The following INVS variants were observed in gnomAD, a reference collection of about 807,000 sequenced individuals.
INVS encodes inversin.
Under a neutral mutation model 108.8 loss-of-function variants are expected in INVS, and 86 were observed. The observed-to-expected ratio is 0.79, with a 90% CI of 0.66 to 0.95. The LOEUF (loss-of-function observed/expected upper bound fraction) is 0.95, where lower values mean the gene tolerates loss of function less well. Among genes scored for constraint, INVS ranks in the 40% least tolerant of loss-of-function variants. The pLI is 0.00. For synonymous variants in INVS, 455 were observed against 473.5 expected (o/e 0.96, Z 0.51); for missense variants, 1,169 against 1,297.4 (o/e 0.90, Z 1.52).
chr9:100,230,614 G>C (rs1372125160), intron 5 of INVS, among the ~76,000 whole-genome samples: 1 of 152,096 alleles, frequency 6.6e-6, no homozygotes, highest in East Asian at 1.9e-4. Context: ...CACCTCCCAG[G>C]TTTAAGCAAT....
intron 7 of INVS, among the ~76,000 whole-genome samples, chr9:100,245,826 G>C (rs114877371): frequency 6.6e-6 from 1 of 152,286 alleles, no homozygotes; most frequent in African/African-American, 2.4e-5. Flanking sequence ...CTTCTCTGGA[G>C]GCATGCCTGA....
chr9:100,188,487 G>T (rs1257398928), intron 3 of INVS, among the ~76,000 whole-genome samples: 1 of 152,034 alleles, frequency 6.6e-6, no homozygotes, highest in Non-Finnish European at 1.5e-5. Context: ...CGTACTTATT[G>T]ACTTGCAAAT....
chr9:100,103,612 A>G (rs1428052203), intron 1 of INVS, among the ~76,000 whole-genome samples: 1 of 149,192 alleles, frequency 6.7e-6, no homozygotes, highest in East Asian at 2.0e-4. Flanking sequence ...TGGGTGACAG[A>G]GCAAGACCCT....
intron 2 of INVS, among the ~76,000 whole-genome samples, chr9:100,105,751 T>C (rs780420691): frequency 6.6e-6 from 1 of 152,054 alleles, no homozygotes; most frequent in Non-Finnish European, 1.5e-5. Context: ...CACTAGCTTC[T>C]CTAGTTTTGA....
intron 3 of INVS, among the ~76,000 whole-genome samples, chr9:100,221,209 T>A (rs1178663380): frequency 6.6e-6 from 1 of 152,208 alleles, no homozygotes; most frequent in Non-Finnish European, 1.5e-5. Flanking sequence ...TATCTTCCTC[T>A]GTTCCATTGA....
chr9:100,121,298 A>C (rs1827720978), intron 2 of INVS, among the ~76,000 whole-genome samples: 1 of 152,198 alleles, frequency 6.6e-6, no homozygotes, highest in African/African-American at 2.4e-5. Flanking sequence ...GCCACATAAC[A>C]AAATCTAATC....
intron 5 of INVS, among the ~76,000 whole-genome samples, chr9:100,234,581 T>C (rs182421192): frequency 3.3e-5 from 5 of 152,370 alleles, no homozygotes; most frequent in Admixed American, 3.3e-4. Context: ...TTCTCATTGG[T>C]TTCAAAGAAC....
At chr9:100,249,586 C>T (rs899901846) in intron 8 of INVS, among the ~76,000 whole-genome samples, 1 of 151,780 alleles carries the variant, frequency 6.6e-6, no homozygotes, top group African/African-American at 2.4e-5. Context: ...CCTCCACCTC[C>T]CGGGTTCAAG....
rs1486744993 is a variant in INVS at position 100,284,554 on chromosome 9, G to A, written c.2019G>A (p.Glu673=). Residue 673 remains glutamate (E), a synonymous_variant, in exon 13 of 17, where the codon GAG becomes GAA. Coordinates refer to ENST00000262457, the MANE Select transcript of INVS (RefSeq NM_014425.5). ...GGSLGGALQK[E]QHVSSDLQGT... ...CTCTAGGCGGAGCCCTCCAGAAGGA[G>A]CAGCATGTTTCCTCAGATTTGCAGG... 7 of 1,613,796 alleles carry A rather than the reference G, an allele frequency of 4.3e-6. No individual in the cohort carries two copies. Among genetic ancestry groups the A allele is most frequent in the Non-Finnish European group, 4.2e-6 (5 of 1,179,848 alleles).
chr9:100,252,999 A>G lies in INVS; in HGVS notation c.1327A>G (p.Ile443Val). 1 of 1,614,012 alleles carries G rather than the reference A, an allele frequency of 6.2e-7. No homozygotes were observed. Among genetic ancestry groups the G allele is most frequent in the Non-Finnish European group, 8.5e-7 (1 of 1,179,884 alleles). ...GGNADVCQIL[I>V]ENKINPNVQD... ...AAATGCTGATGTTTGCCAGATATTA[A>G]TAGAAAATAAGATCAATCCAAATGT... is the stretch of plus-strand genomic sequence containing the variant. Residue 443 changes from isoleucine (I) to valine (V), a missense_variant, in exon 10 of 17, where the codon ATA becomes GTA. Ile to Val is a conservative substitution (Grantham distance 29). Around this residue, in one of 3 missense-constraint regions of INVS, gnomAD observed 271 missense variants for 363.8 expected, o/e 0.74. Transcript: ENST00000262457.
intron 3 of INVS, among the ~76,000 whole-genome samples, chr9:100,152,194 A>G (rs1828828175): frequency 6.6e-6 from 1 of 151,470 alleles, no homozygotes; most frequent in African/African-American, 2.5e-5. Context: ...ACAGATGATG[A>G]ACATCTTAAT....
chr9:100,278,674 T>C (rs1833183708), intron 12 of INVS, among the ~76,000 whole-genome samples: 2 of 152,240 alleles, frequency 1.3e-5, no homozygotes, highest in Admixed American at 1.3e-4. Flanking sequence ...AGTTTCCCCA[T>C]CTGTCAAACG....
chr9:100,237,257 C>T (rs970926255), intron 5 of INVS, among the ~76,000 whole-genome samples: 2 of 152,138 alleles, frequency 1.3e-5, no homozygotes, highest in Non-Finnish European at 2.9e-5. Flanking sequence ...GTGCTGGCAG[C>T]GAGAATTTCA....
At chr9:100,226,023 A>T in intron 3 of INVS, 39 bp from the exon 4 acceptor site, 1 of 1,451,276 alleles carries the variant, frequency 6.9e-7, no homozygotes. Flanking sequence ...TTGACCCCAT[A>T]GTACATTTTT....
chr9:100,140,287 A>G (rs1243737062), intron 3 of INVS, among the ~76,000 whole-genome samples: 1 of 152,192 alleles, frequency 6.6e-6, no homozygotes, highest in African/African-American at 2.4e-5. Flanking sequence ...GAGTCAGTGA[A>G]GGAAGATGGG....
At chr9:100,253,736 A>G (rs1486589366) in intron 10 of INVS, among the ~76,000 whole-genome samples, 2 of 152,112 alleles carry the variant, frequency 1.3e-5, no homozygotes, top group Non-Finnish European at 2.9e-5. Context: ...CCTACAAAGG[A>G]CATGAACTCA....
rs779427973 is a variant in INVS, at chr9:100,129,692, G to A, written c.273+3143G>A. 4.2e-6 allele frequency: 3 copies of A among 713,948 alleles called. No homozygotes were observed. In the South Asian group the frequency reaches 4.5e-5, roughly 11 times the overall value. 44.2% of individuals were successfully genotyped at this position (713,948 alleles called of 1,614,324 possible). On this transcript the variant is annotated intron_variant, in intron 3 of 16. Coordinates refer to ENST00000262457, the MANE Select transcript of INVS (RefSeq NM_014425.5). ...TGTTTGAAGGCATTGAGAACAATCA[G>A]CACAGGCAGGATCTAAGAGACTACA...
In INVS at chr9:100,138,503, G is replaced by A. The variant is rs559444556; in HGVS notation, c.273+11954G>A. On this transcript the variant is annotated intron_variant, in intron 3 of 16. Transcript: ENST00000262457. ...TTGGAAACATTAGATTTGAGTTGAA[G>A]AAACATTATCATATACTTCAACCAT... 2.3e-3 allele frequency among the ~76,000 whole-genome samples: 355 copies of A among 152,114 alleles called. 3 individuals are homozygous for A. Among genetic ancestry groups the A allele is most frequent in the Non-Finnish European group, 3.7e-3 (252 of 68,012 alleles).
intron 3 of INVS, among the ~76,000 whole-genome samples, chr9:100,208,791 G>A (rs1013269518): frequency 2.0e-5 from 3 of 152,090 alleles, no homozygotes; most frequent in African/African-American, 7.2e-5. Context: ...AGAAGAACAG[G>A]CTACACAGAT....
Sources: allele counts gnomAD v4.1 joint callset (sites outside exome capture counted in the v4.1 genomes callset), GRCh38; gene constraint gnomAD v4.1.1; regional missense constraint gnomAD v4.1.1; transcripts MANE v1.5; gene names NCBI Gene and HGNC (gene_info 2026-07-23, HGNC 2026-07-21).